The following NRXN3 variants were observed in gnomAD, a reference collection of about 807,000 sequenced individuals.
NRXN3 encodes the protein neurexin 3, also known as neurexin III.
A neutral mutation model predicts 137.6 loss-of-function variants in NRXN3; 32 were observed. The ratio of observed to expected loss-of-function variants is 0.23; its 90% CI spans 0.18 to 0.31. NRXN3 has a LOEUF of 0.31. Ranked by LOEUF, NRXN3 falls within the 10% of genes least tolerant of loss-of-function variation. NRXN3 has a pLI of 1.00. For synonymous variants in NRXN3, 798 were observed against 784.5 expected (o/e 1.02, Z -0.29); for missense variants, 1,574 against 2,062.5 (o/e 0.76, Z 4.59).
At chr14:78,173,081 T>C (rs2153320050) in intron 1 of NRXN3, among the ~76,000 whole-genome samples, 1 of 152,008 alleles carries the variant, frequency 6.6e-6, no homozygotes, top group Admixed American at 6.5e-5. Context: ...TCGATGTGCA[T>C]GGTAGGAAGG....
intron 16 of NRXN3, among the ~76,000 whole-genome samples, chr14:79,630,747 C>G (rs910846199): frequency 6.6e-6 from 1 of 152,164 alleles, no homozygotes; most frequent in Non-Finnish European, 1.5e-5. Context: ...AATAGTCCTT[C>G]TATAAATAAA....
At chr14:79,298,900 T>C (rs1175042590) in intron 15 of NRXN3, 4 of 152,210 alleles carry the variant, frequency 2.6e-5, no homozygotes, top group African/African-American at 9.7e-5. Context: ...TTAAATAGGA[T>C]GAGCAAAGGC....
chr14:78,549,402 T>A (rs2096665487), intron 4 of NRXN3, among the ~76,000 whole-genome samples: 1 of 152,190 alleles, frequency 6.6e-6, no homozygotes, highest in Non-Finnish European at 1.5e-5. Flanking sequence ...TCAGCTCAGG[T>A]GTCAACTGCT....
At chr14:79,162,389 G>A (rs1055026762) in intron 15 of NRXN3, among the ~76,000 whole-genome samples, 3 of 150,278 alleles carry the variant, frequency 2.0e-5, no homozygotes, top group African/African-American at 4.9e-5. Context: ...GAGAATATGC[G>A]GTGTTTGGTT....
chr14:79,525,747 CTCTG>C (rs1417280768), intron 16 of NRXN3, among the ~76,000 whole-genome samples: 1 of 152,202 alleles, frequency 6.6e-6, no homozygotes, highest in African/African-American at 2.4e-5. Flanking sequence ...TGCCTTAAAT[CTCTG>C]TCTTATGTTC....
At chr14:78,447,795 T>C (rs567000966) in intron 4 of NRXN3, among the ~76,000 whole-genome samples, 78 of 152,362 alleles carry the variant, frequency 5.1e-4, no homozygotes, top group African/African-American at 1.9e-3. Flanking sequence ...AGAAACTTCA[T>C]AAAGCAAGTG....
chr14:78,494,423 T>A (rs2095731796), intron 4 of NRXN3, among the ~76,000 whole-genome samples: 1 of 150,012 alleles, frequency 6.7e-6, no homozygotes, highest in Non-Finnish European at 1.5e-5. Context: ...CCAGAGGTGT[T>A]TTGTTTTTTT....
chr14:78,923,149 C>G (rs988845930), intron 10 of NRXN3, among the ~76,000 whole-genome samples: 1 of 152,170 alleles, frequency 6.6e-6, no homozygotes, highest in Non-Finnish European at 1.5e-5. Context: ...AGTGCTGCCT[C>G]GAGCCCACAA....
rs79227578 is a variant in NRXN3, at chr14:78,808,224, C to T, written c.2249-2094C>T. On this transcript the variant is annotated intron_variant, in intron 9 of 20. Transcript: ENST00000335750. ...AAACTGTCTGCCATCTTGAAAGCGC[C>T]AAGCTCTTACATTGGTTTAAAGACC... 2.5e-3 allele frequency among the ~76,000 whole-genome samples: 374 copies of T among 152,230 alleles called. 10 individuals carry two copies. The East Asian group carries it at 0.054, about 22-fold the overall frequency.
At chr14:79,252,658 G>C (rs538557525) in intron 15 of NRXN3, among the ~76,000 whole-genome samples, 1 of 152,128 alleles carries the variant, frequency 6.6e-6, no homozygotes, top group Non-Finnish European at 1.5e-5. Flanking sequence ...CAGAGGGTGC[G>C]AGAAAAGTGG....
At chr14:78,189,994 T>C (rs1241438670) in intron 1 of NRXN3, among the ~76,000 whole-genome samples, 2 of 152,230 alleles carry the variant, frequency 1.3e-5, no homozygotes, top group Non-Finnish European at 2.9e-5. Flanking sequence ...GTTACACATG[T>C]GTTTATTTTG....
At chr14:79,816,218 T>C (rs1252687747) in intron 20 of NRXN3, among the ~76,000 whole-genome samples, 1 of 152,210 alleles carries the variant, frequency 6.6e-6, no homozygotes, top group Non-Finnish European at 1.5e-5. Flanking sequence ...AATATTCAAG[T>C]CCAAATCTGT....
At chr14:79,541,832 A>G (rs1251755352) in intron 16 of NRXN3, among the ~76,000 whole-genome samples, 2 of 152,198 alleles carry the variant, frequency 1.3e-5, no homozygotes, top group African/African-American at 4.8e-5. Context: ...AGGAACCATC[A>G]TGTCTCAGCT....
intron 15 of NRXN3, among the ~76,000 whole-genome samples, chr14:79,266,041 A>T (rs888763908): frequency 6.6e-6 from 1 of 152,192 alleles, no homozygotes; most frequent in Non-Finnish European, 1.5e-5. Flanking sequence ...AAAGCTGTGT[A>T]GCTCTTTAGC....
chr14:79,176,450 C>T (rs73325817), intron 15 of NRXN3, among the ~76,000 whole-genome samples: 1,920 of 152,266 alleles, frequency 0.013, 39 homozygotes, highest in African/African-American at 0.043. Context: ...GATCCCCCAG[C>T]TACAGGATAA....
intron 15 of NRXN3, among the ~76,000 whole-genome samples, chr14:79,307,685 G>A (rs367781552): frequency 3.4e-4 from 51 of 152,052 alleles, no homozygotes; most frequent in Non-Finnish European, 5.9e-4. Context: ...GAAGGCTTTC[G>A]TTCTCCAGCA....
chr14:78,988,148 A>T lies in NRXN3; in HGVS notation c.3262+7A>T, dbSNP rs1248504940. ...GGAAACCAGTGCAATGATCGTAAGT[A>T]CAACAACCTTTCATACTGGAACTTT... On this transcript the variant is annotated splice_region_variant and intron_variant, in intron 15 of 20. Coordinates refer to ENST00000335750, the MANE Select transcript of NRXN3 (RefSeq NM_001330195.2). 2 of 1,613,790 alleles carry T rather than the reference A, an allele frequency of 1.2e-6. No homozygotes were observed. The highest frequency in any genetic ancestry group is 1.7e-6 in the Non-Finnish European group (2 of 1,179,750).
intron 19 of NRXN3, among the ~76,000 whole-genome samples, chr14:79,714,276 A>G (rs1015839391): frequency 6.6e-6 from 1 of 152,224 alleles, no homozygotes; most frequent in African/African-American, 2.4e-5. Context: ...AAATAATTAC[A>G]CTAGGTACAA....
chr14:79,360,411 A>C (rs2093643701), intron 15 of NRXN3, among the ~76,000 whole-genome samples: 6 of 152,228 alleles, frequency 3.9e-5, no homozygotes, highest in Admixed American at 3.9e-4. Flanking sequence ...AGCCATTTGT[A>C]ATATTTACAG....
Sources: gnomAD v4.1 joint callset for allele counts (sites outside exome capture counted in the v4.1 genomes callset) on GRCh38, gnomAD v4.1.1 for gene constraint, MANE v1.5 for transcripts, NCBI Gene and HGNC (gene_info 2026-07-23, HGNC 2026-07-21) for gene names.